Variants in EVI5 observed in about 807,000 individuals in gnomAD.
The protein encoded by EVI5 is ecotropic viral integration site 5, also known as ecotropic viral integration site 5 protein homolog.
Under a neutral mutation model 112.0 loss-of-function variants are expected in EVI5, and 73 were observed. That is an observed-to-expected ratio of 0.65 (90% CI 0.54 to 0.79). The LOEUF (loss-of-function observed/expected upper bound fraction) is 0.79. EVI5 is among the 30% of genes least tolerant of loss of function. EVI5 has a pLI of 0.00. For synonymous variants in EVI5, 305 were observed against 319.9 expected (o/e 0.95, Z 0.50); for missense variants, 900 against 968.8 (o/e 0.93, Z 0.94).
intron 13 of EVI5, among the ~76,000 whole-genome samples, chr1:92,639,400 TA>T (rs575584703): frequency 1.1e-4 from 17 of 151,118 alleles, no homozygotes; most frequent in South Asian, 2.1e-4. Flanking sequence ...CTCATATTAT[TA>T]AAAAAAATTT....
At chr1:92,655,102 C>T (rs1037544811) in intron 13 of EVI5, among the ~76,000 whole-genome samples, 2 of 151,836 alleles carry the variant, frequency 1.3e-5, no homozygotes, top group Non-Finnish European at 2.9e-5. Context: ...GAGATTTAGA[C>T]ATCCAAATAG....
chr1:92,546,426 C>T (rs1001658716), intron 19 of EVI5, among the ~76,000 whole-genome samples: 2 of 152,088 alleles, frequency 1.3e-5, no homozygotes, highest in Non-Finnish European at 2.9e-5. Context: ...AGGCTGGGCG[C>T]GGTGGTTCAC....
intron 19 of EVI5, among the ~76,000 whole-genome samples, chr1:92,517,077 C>A (rs770352006): frequency 6.6e-6 from 1 of 152,104 alleles, no homozygotes; most frequent in Non-Finnish European, 1.5e-5. Context: ...ATTTTTTACA[C>A]GCATTCAGGA....
chr1:92,710,574 C>T (rs969537832), intron 2 of EVI5, among the ~76,000 whole-genome samples: 5 of 152,130 alleles, frequency 3.3e-5, no homozygotes, highest in Admixed American at 6.6e-5. Context: ...ATTCACAGGC[C>T]TAAATTCATT....
chr1:92,594,897 C>A (rs1321336520), intron 18 of EVI5, among the ~76,000 whole-genome samples: 3 of 152,070 alleles, frequency 2.0e-5, no homozygotes, highest in Non-Finnish European at 2.9e-5. Flanking sequence ...GAATGGTGAT[C>A]ATTAAAAAGT....
intron 1 of EVI5, among the ~76,000 whole-genome samples, chr1:92,754,431 T>C (rs1288222563): frequency 6.6e-6 from 1 of 152,186 alleles, no homozygotes; most frequent in East Asian, 1.9e-4. Flanking sequence ...CCTAGTAGCT[T>C]AATACATTAA....
intron 9 of EVI5, among the ~76,000 whole-genome samples, chr1:92,692,052 T>C (rs191744554): frequency 1.8e-4 from 27 of 152,254 alleles, no homozygotes; most frequent in Non-Finnish European, 3.4e-4. Context: ...ATTGGATACA[T>C]GAATACAGGA....
At chr1:92,630,489 T>G (rs1166692904) in intron 14 of EVI5, among the ~76,000 whole-genome samples, 1 of 152,250 alleles carries the variant, frequency 6.6e-6, no homozygotes, top group Non-Finnish European at 1.5e-5. Context: ...TCTGTTCATA[T>G]CCTTCACCCA....
intron 2 of EVI5, chr1:92,714,162 A>C: frequency 1.0e-6 from 1 of 981,764 alleles, no homozygotes; most frequent in Non-Finnish European, 1.2e-6. Flanking sequence ...CCATTTCTTC[A>C]CATCTTTCTG....
At chr1:92,596,523 C>A (rs1326052751) in intron 18 of EVI5, among the ~76,000 whole-genome samples, 13 of 152,060 alleles carry the variant, frequency 8.5e-5, no homozygotes. Flanking sequence ...TTATTAGTAT[C>A]CTGGAATAAT....
chr1:92,583,674 T>G (rs1192652503), intron 18 of EVI5, among the ~76,000 whole-genome samples: 6 of 151,208 alleles, frequency 4.0e-5, no homozygotes, highest in Non-Finnish European at 5.9e-5. Context: ...AGTATTGTAC[T>G]GGCCAATGGT....
At position 92,739,975 on chromosome 1, in the gene EVI5, T is replaced by TA. The variant is rs11324383; in HGVS notation, c.-81-3349dup. Among the ~76,000 whole-genome samples, 511 of 144,036 alleles carry TA rather than the reference T, an allele frequency of 3.5e-3. 4 individuals carry two copies. Among genetic ancestry groups the TA allele is most frequent in the African/African-American group, 0.012 (455 of 38,956 alleles). The allele number at this position is 144,036 out of a possible 152,430, so 94.5% of individuals were successfully genotyped here. On this transcript the variant is annotated intron_variant, in intron 1 of 19. Coordinates refer to ENST00000684568, the MANE Select transcript of EVI5 (RefSeq NM_001350197.2). ...TAAATGTCAAAAGTCAAGTTACCTTTAAAAAAAAAAAAAAGGGGCAGTGCG... is the reference window on the plus strand; with the variant it reads ...TAAATGTCAAAAGTCAAGTTACCTTTAAAAAAAAAAAAAAAGGGGCAGTGCG...
chr1:92,592,993 A>G (rs1388458672), intron 18 of EVI5, among the ~76,000 whole-genome samples: 1 of 152,234 alleles, frequency 6.6e-6, no homozygotes, highest in Non-Finnish European at 1.5e-5. Flanking sequence ...CCAGAGGTAC[A>G]ATGAGGAGCT....
At chr1:92,546,679 G>C (rs1665766555) in intron 19 of EVI5, among the ~76,000 whole-genome samples, 1 of 151,958 alleles carries the variant, frequency 6.6e-6, no homozygotes, top group Non-Finnish European at 1.5e-5. Flanking sequence ...CTGGGCAACA[G>C]AGCAAGACTC....
chr1:92,527,589 T>C (rs749409098), intron 19 of EVI5, among the ~76,000 whole-genome samples: 1 of 152,186 alleles, frequency 6.6e-6, no homozygotes, highest in African/African-American at 2.4e-5. Flanking sequence ...GATTGAGCCA[T>C]AGTGCATTTC....
chr1:92,564,405 A>T (rs1669095888), intron 18 of EVI5, among the ~76,000 whole-genome samples: 1 of 152,050 alleles, frequency 6.6e-6, no homozygotes, highest in Admixed American at 6.6e-5. Flanking sequence ...CATTCTTGGG[A>T]ATCTGCTTTT....
chr1:92,648,643 G>C (rs557930313), intron 13 of EVI5, among the ~76,000 whole-genome samples: 1 of 152,162 alleles, frequency 6.6e-6, no homozygotes, highest in South Asian at 2.1e-4. Context: ...GTGATCTTTT[G>C]GGTCTGGCTT....
chr1:92,610,123 G>C (rs1330055266), intron 16 of EVI5, among the ~76,000 whole-genome samples: 2 of 152,166 alleles, frequency 1.3e-5, no homozygotes, highest in Non-Finnish European at 2.9e-5. Context: ...CTGAGCCCAA[G>C]TGATCCTCCC....
intron 14 of EVI5, among the ~76,000 whole-genome samples, chr1:92,628,053 GCTGGGATTACAGGCGTGAGCCA>G (rs1377495325): frequency 6.6e-6 from 1 of 152,190 alleles, no homozygotes; most frequent in Non-Finnish European, 1.5e-5. Context: ...CTCCCAAAGG[GCTGGGATTACAGGCGTGAGCCA>G]CCGCACCCAG....
Sources: allele counts gnomAD v4.1 joint callset (sites outside exome capture counted in the v4.1 genomes callset), GRCh38; gene constraint gnomAD v4.1.1; transcripts MANE v1.5; gene names NCBI Gene and HGNC (gene_info 2026-07-23, HGNC 2026-07-21).